The following S100Z variants were observed in gnomAD, a reference collection of about 807,000 sequenced individuals.
S100Z encodes S100 calcium binding protein Z.
In S100Z, 11 loss-of-function variants were observed where a neutral mutation model predicts 8.5. The observed-to-expected ratio is 1.30, with a 90% CI of 0.82 to 2.15. The LOEUF (loss-of-function observed/expected upper bound fraction) is 2.15, where lower values mean the gene tolerates loss of function less well. Ranked by LOEUF, S100Z falls within the 30% of genes most tolerant of loss-of-function variation. The pLI, the probability that S100Z is intolerant of heterozygous loss-of-function variation, is 0.00. For synonymous variants in S100Z, 34 were observed against 43.8 expected, an observed-to-expected ratio of 0.78 and a Z score of 0.89; for missense variants, 126 against 117.9, an observed-to-expected ratio of 1.07 and a Z score of -0.32.
At chr5:76,946,422 A>T in the S100Z span, among the ~76,000 whole-genome samples, 1 of 151,894 alleles carries the variant, frequency 6.6e-6, no homozygotes, top group East Asian at 1.9e-4. Flanking sequence ...ATTTCACTAC[A>T]CTCTACATTT....
intron 4 of S100Z, among the ~76,000 whole-genome samples, chr5:76,880,342 T>C (rs563076380): frequency 6.6e-5 from 10 of 152,330 alleles, no homozygotes; most frequent in African/African-American, 2.4e-4. Flanking sequence ...ATTCCTGTCT[T>C]CTTATATTAA....
chr5:76,854,678 C>T (rs1750830963), intron 1 of S100Z, among the ~76,000 whole-genome samples: 1 of 152,210 alleles, frequency 6.6e-6, no homozygotes, highest in South Asian at 2.1e-4. Flanking sequence ...AAATTTGCAG[C>T]CTAGCCATGT....
chr5:76,934,093 CAGA>C, the S100Z span, among the ~76,000 whole-genome samples: 2 of 152,190 alleles, frequency 1.3e-5, no homozygotes, highest in Admixed American at 1.3e-4. Flanking sequence ...CCCAGGACCA[CAGA>C]AGAATTAGTG....
At chr5:76,885,658 A>C (rs1430142170) in intron 4 of S100Z, among the ~76,000 whole-genome samples, 3 of 122,924 alleles carry the variant, frequency 2.4e-5, no homozygotes, top group Non-Finnish European at 5.1e-5. Flanking sequence ...ACGGGGTGGG[A>C]GGTGCTTGCC....
At chr5:76,910,169 C>T (rs1744598012) in intron 4 of S100Z, among the ~76,000 whole-genome samples, 1 of 152,172 alleles carries the variant, frequency 6.6e-6, no homozygotes, top group African/African-American at 2.4e-5. Context: ...GGAAGAAAAT[C>T]CTTCTGCTAT....
chr5:76,907,242 C>T (rs1293273057), intron 4 of S100Z, among the ~76,000 whole-genome samples: 4 of 151,712 alleles, frequency 2.6e-5, no homozygotes, highest in African/African-American at 9.7e-5. Context: ...TATTCTGTTC[C>T]ATTGATCTAT....
At chr5:76,902,516 G>A (rs1019704783) in intron 4 of S100Z, among the ~76,000 whole-genome samples, 1 of 152,190 alleles carries the variant, frequency 6.6e-6, no homozygotes, top group Non-Finnish European at 1.5e-5. Flanking sequence ...TAGCTATTTA[G>A]AACTGTTTTA....
At chr5:76,867,909 A>T (rs553722368) in intron 1 of S100Z, among the ~76,000 whole-genome samples, 1 of 152,028 alleles carries the variant, frequency 6.6e-6, no homozygotes, top group South Asian at 2.1e-4. Context: ...GCTCCCCCCA[A>T]ATCTGATCAT....
rs569666355 is a variant in S100Z at position 76,855,406 on chromosome 5, G to A, written c.-176+5251G>A. Among the ~76,000 whole-genome samples the A allele has an allele frequency of 2.4e-4, 37 of 152,318 alleles. No individual in the cohort carries two copies. The South Asian group carries it at 7.0e-3, about 29-fold the overall frequency. On this transcript the variant is annotated intron_variant, in intron 1 of 4. Coordinates refer to ENST00000317593, the MANE Select transcript of S100Z (RefSeq NM_130772.4). ...TGCTGTACCCTGCAAAGCTTCAGAGGCCAAGCTGCCCAAGGCCTTCGGAGT... is the reference window on the plus strand; with the variant it reads ...TGCTGTACCCTGCAAAGCTTCAGAGACCAAGCTGCCCAAGGCCTTCGGAGT...
intron 1 of S100Z, among the ~76,000 whole-genome samples, chr5:76,850,582 C>T (rs1277115042): frequency 6.6e-6 from 1 of 152,148 alleles, no homozygotes; most frequent in African/African-American, 2.4e-5. Context: ...GCCGTGATTT[C>T]GCTTCTTTTT....
At chr5:76,860,029 T>G (rs1460919011) in intron 1 of S100Z, among the ~76,000 whole-genome samples, 1 of 152,084 alleles carries the variant, frequency 6.6e-6, no homozygotes, top group Non-Finnish European at 1.5e-5. Context: ...TTGGCAGAAA[T>G]CAGTCTTGAA....
At chr5:76,859,502 C>T (rs1483392299) in intron 1 of S100Z, among the ~76,000 whole-genome samples, 4 of 152,000 alleles carry the variant, frequency 2.6e-5, no homozygotes, top group South Asian at 2.1e-4. Flanking sequence ...AAGCCTCGGC[C>T]GGGGGCAGTG....
At chr5:76,898,615 A>C (rs1744122160) in intron 4 of S100Z, among the ~76,000 whole-genome samples, 1 of 152,102 alleles carries the variant, frequency 6.6e-6, no homozygotes, top group African/African-American at 2.4e-5. Flanking sequence ...TGATTGATTT[A>C]TGTTGAACCA....
At chr5:76,866,038 G>T (rs1317264969) in intron 1 of S100Z, among the ~76,000 whole-genome samples, 1 of 150,786 alleles carries the variant, frequency 6.6e-6, no homozygotes, top group African/African-American at 2.4e-5. Flanking sequence ...AAAAAAAAAA[G>T]TTACAGTAAG....
chr5:76,902,658 GT>G (rs59812378), intron 4 of S100Z, among the ~76,000 whole-genome samples: 3,220 of 147,088 alleles, frequency 0.022, 132 homozygotes, highest in African/African-American at 0.075. Context: ...GTTGTTGTTT[GT>G]TTTTTTTTCT....
At chr5:76,880,190 G>A (rs181396799) in intron 4 of S100Z, among the ~76,000 whole-genome samples, 52 of 152,260 alleles carry the variant, frequency 3.4e-4, no homozygotes, top group South Asian at 1.7e-3. Context: ...GGGTGGGACA[G>A]AAACAAATTA....
chr5:76,949,173 G>A, the S100Z span, among the ~76,000 whole-genome samples: 1 of 152,274 alleles, frequency 6.6e-6, no homozygotes, highest in East Asian at 1.9e-4. Context: ...CAGATCACGA[G>A]GTCAGGAGAT....
intron 1 of S100Z, among the ~76,000 whole-genome samples, chr5:76,855,764 T>G (rs1333076637): frequency 2.0e-5 from 3 of 152,194 alleles, no homozygotes; most frequent in Non-Finnish European, 4.4e-5. Context: ...TGGGGGACTG[T>G]TGAGAAGGGA....
At chr5:76,888,256 CA>C (rs1354300114) in intron 4 of S100Z, among the ~76,000 whole-genome samples, 3 of 99,360 alleles carry the variant, frequency 3.0e-5, no homozygotes, top group African/African-American at 1.2e-4. Context: ...GACTCCATCT[CA>C]AAAAAAAGAA....
Sources: gnomAD v4.1 joint callset for allele counts (sites outside exome capture counted in the v4.1 genomes callset) on GRCh38, gnomAD v4.1.1 for gene constraint, MANE v1.5 for transcripts, NCBI Gene and HGNC (gene_info 2026-07-23, HGNC 2026-07-21) for gene names.